Variants in CREB3 observed in about 807,000 individuals in gnomAD.
CREB3 encodes cAMP responsive element binding protein 3, also known as cyclic AMP-responsive element-binding protein 3.
A neutral mutation model predicts 34.5 loss-of-function variants in CREB3; 29 were observed. The ratio of observed to expected loss-of-function variants is 0.84; its 90% CI spans 0.63 to 1.15. The LOEUF (loss-of-function observed/expected upper bound fraction) is 1.15, where lower values mean the gene tolerates loss of function less well. Ranked by LOEUF, CREB3 falls within the 50% of genes most tolerant of loss-of-function variation. The probability of loss-of-function intolerance (pLI) is 0.00; values close to 1 mark genes in which losing one functional copy is unlikely to be tolerated. For synonymous variants in CREB3, 187 were observed against 173.9 expected, an observed-to-expected ratio of 1.08 and a Z score of -0.59; for missense variants, 447 against 443.4, an observed-to-expected ratio of 1.01 and a Z score of -0.07.
Position 35,735,097 on chromosome 9 carries a change from GTTTCC to G in CREB3, c.436-7_436-3del, listed in dbSNP as rs761630947. 1.3e-6 allele frequency: 2 copies of G among 1,594,400 alleles called. No homozygotes were observed. The highest frequency in any genetic ancestry group is 2.7e-5 in the African/African-American group (2 of 73,454). Reference sequence around the variant, plus strand: ...TTCCTCTAATGATATCCCTTTCCCTGTTTCCTTTCAGACAGAGGAACAAATTCTGA... The same window carrying G: ...TTCCTCTAATGATATCCCTTTCCCTGTTTCAGACAGAGGAACAAATTCTGA... On this transcript the variant is annotated splice_region_variant and splice_polypyrimidine_tract_variant and intron_variant, in intron 4 of 8. Coordinates refer to ENST00000353704, the MANE Select transcript of CREB3 (RefSeq NM_006368.5).
intron 4 of CREB3, among the ~76,000 whole-genome samples, chr9:35,734,098 C>T (rs886316836): frequency 3.3e-5 from 5 of 152,098 alleles, no homozygotes; most frequent in African/African-American, 7.2e-5. Flanking sequence ...CTCAGCCTCC[C>T]GAGTAGCTGA....
rs778480713 is a variant in CREB3 at position 35,733,009 on chromosome 9, G to A, written c.143G>A (p.Trp48Ter). Residue 48 changes from tryptophan (W) to a stop codon, truncating the protein, a stop_gained, in exon 2 of 9, where the codon TGG (tryptophan) becomes TAG (stop). Transcript: ENST00000353704. LOFTEE classifies it high-confidence loss of function. ...AACCCTGCGCAGGTACCGAGCGACT[G>A]GGAAGTAGATGATTTGCTGTGCTCC... The part of the protein sequence containing the change: ...ALPLSEVPSD[W>*]EVDDLLCSLL... The A allele has an allele frequency of 6.2e-7, 1 of 1,614,204 alleles. No homozygotes were observed. Among genetic ancestry groups the A allele is most frequent in the Non-Finnish European group, 8.5e-7 (1 of 1,180,032 alleles).
chr9:35,735,411 C>G (rs1465812381), intron 6 of CREB3, 37 bp downstream of exon 6: 5 of 1,553,246 alleles, frequency 3.2e-6, no homozygotes, highest in Admixed American at 3.3e-5. Context: ...TCCTATGCCC[C>G]TCATTTAATG....
chr9:35,733,384 T>C lies in CREB3; in HGVS notation c.346-12T>C, dbSNP rs375957822. The C allele has an allele frequency of 6.2e-7, 1 of 1,612,864 alleles. No homozygotes were observed. Among genetic ancestry groups the C allele is most frequent in the Non-Finnish European group, 8.5e-7 (1 of 1,178,960 alleles). ...CCCCATGCAACTGCCGTCCACTTTC[T>C]TGTTACCCTAGGAGATTGCTAGGCT... On this transcript the variant is annotated splice_polypyrimidine_tract_variant and intron_variant, in intron 3 of 8. Coordinates refer to ENST00000353704, the MANE Select transcript of CREB3 (RefSeq NM_006368.5).
intron 4 of CREB3, among the ~76,000 whole-genome samples, chr9:35,734,718 T>G (rs1826160894): frequency 6.6e-6 from 1 of 152,212 alleles, no homozygotes; most frequent in Admixed American, 6.5e-5. Flanking sequence ...CTCAGTCTCC[T>G]GAGTAGCAGG....
In CREB3 at chr9:35,733,149, T is replaced by A; in HGVS notation, c.277+6T>A. 1 of 1,614,112 alleles carries A rather than the reference T, an allele frequency of 6.2e-7. No individual in the cohort carries two copies. On this transcript the variant is annotated splice_donor_region_variant and intron_variant, in intron 2 of 8. Coordinates refer to ENST00000353704, the MANE Select transcript of CREB3 (RefSeq NM_006368.5). ...AACTGTCTCTATGGATCTAGGTGAG[T>A]CTGAAATAAGTTTGCGGGGAGGACA...
At position 35,736,797 on chromosome 9, in the gene CREB3, T is replaced by C; in HGVS notation, c.*71T>C. 1 of 1,415,850 alleles carries C rather than the reference T, an allele frequency of 7.1e-7. No individual in the cohort carries two copies. Among genetic ancestry groups the C allele is most frequent in the South Asian group, 1.3e-5 (1 of 78,842 alleles). 87.7% of individuals were successfully genotyped at this position (1,415,850 alleles called of 1,614,324 possible). On this transcript the variant is annotated 3_prime_UTR_variant, in exon 9 of 9. Transcript: ENST00000353704. ...CCATCTGTGTCCAAATAAAAAGCGGTGGGCAAGGGCTGGCCGCAGCTCCTG... is the reference window on the plus strand; with the variant it reads ...CCATCTGTGTCCAAATAAAAAGCGGCGGGCAAGGGCTGGCCGCAGCTCCTG...
At position 35,736,787 on chromosome 9, in the gene CREB3, TAAAA is replaced by T; in HGVS notation, c.*63_*66del. On this transcript the variant is annotated 3_prime_UTR_variant, in exon 9 of 9. Coordinates refer to ENST00000353704, the MANE Select transcript of CREB3 (RefSeq NM_006368.5). ...GGGGGGCTCCCCATCTGTGTCCAAA[TAAAA>T]AGCGGTGGGCAAGGGCTGGCCGCAG... 1 of 1,476,144 alleles carries T rather than the reference TAAAA, an allele frequency of 6.8e-7. No individual in the cohort carries two copies. The highest frequency in any genetic ancestry group is 9.2e-7 in the Non-Finnish European group (1 of 1,090,872). 91.4% of individuals were successfully genotyped at this position (1,476,144 alleles called of 1,614,324 possible).
Position 35,735,225 on chromosome 9 carries a change from G to A in CREB3, c.542+10G>A, listed in dbSNP as rs1384669651. 1.1e-5 allele frequency: 18 copies of A among 1,612,754 alleles called. No individual in the cohort carries two copies. Among genetic ancestry groups the A allele is most frequent in the Non-Finnish European group, 1.4e-5 (17 of 1,179,128 alleles). ...GGGGTTTAGAGAGCAGGTATGAAAGGGAGAGGGACTCTGTTGTAAGTATTA... is the reference window on the plus strand; with the variant it reads ...GGGGTTTAGAGAGCAGGTATGAAAGAGAGAGGGACTCTGTTGTAAGTATTA... On this transcript the variant is annotated intron_variant, in intron 5 of 8. Transcript: ENST00000353704.
rs1458818399 is a variant in CREB3 at position 35,732,894 on chromosome 9, T to A, written c.122T>A (p.Leu41His). The change falls in exon 1 of 9, where the codon CTT (leucine) becomes CAT (histidine). Residue 41 changes from leucine to histidine, a missense_variant. By Grantham distance (99) the Leu-to-His change is moderately conservative. Coordinates refer to ENST00000353704, the MANE Select transcript of CREB3 (RefSeq NM_006368.5). This position sits in a 1 kb window ranked among gnomAD's most constrained non-coding sequence, Gnocchi z 5.1. ...GCCCCACTGGACTGGGCGCTGCCGC[T>A]TTCTGAGGTAGGTTGGGGTTCTGAC... The part of the protein sequence containing the change: ...VRAPLDWALP[L>H]SEVPSDWEVD... The A allele has an allele frequency of 1.2e-6, 2 of 1,613,558 alleles. No individual in the cohort carries two copies. The highest frequency in any genetic ancestry group is 1.7e-6 in the Non-Finnish European group (2 of 1,179,818).
rs199684740 is a variant in CREB3, at chr9:35,736,282, C to T, written c.752C>T (p.Thr251Ile). ...LLVPAMYSSD[T>I]RGSLPAEHGV... ...GTACCTGCTATGTACTCCTCTGACA[C>T]AAGGGGGAGCCTGCCAGCTGAGCAT... The change falls in exon 8 of 9, where the codon ACA (threonine) becomes ATA (isoleucine). Residue 251 changes from threonine (T) to isoleucine (I), a missense_variant. Physicochemically the swap from Thr to Ile is moderately conservative, Grantham distance 89. Coordinates refer to ENST00000353704, the MANE Select transcript of CREB3 (RefSeq NM_006368.5). The T allele has an allele frequency of 6.2e-7, 1 of 1,614,150 alleles. No homozygotes were observed. The highest frequency in any genetic ancestry group is 2.2e-5 in the East Asian group (1 of 44,890).
At position 35,736,505 on chromosome 9, in the gene CREB3, G is replaced by C. The variant is rs775483580; in HGVS notation, c.895G>C (p.Asp299His). The change falls in exon 9 of 9, where the codon GAC becomes CAC. Residue 299 changes from aspartate to histidine, a missense_variant. Asp to His is a moderately conservative substitution (Grantham distance 81). Coordinates refer to ENST00000353704, the MANE Select transcript of CREB3 (RefSeq NM_006368.5). The stretch of plus-strand genomic sequence containing the variant: ...CACACACCAGTGGTTGGACGGCTCA[G>C]ACTGTGTACTCCAGGCCCCTGGCAA... ...DSTHQWLDGS[D>H]CVLQAPGNTS... The C allele has an allele frequency of 2.5e-6, 4 of 1,614,166 alleles. No individual in the cohort carries two copies. Among genetic ancestry groups the C allele is most frequent in the Non-Finnish European group, 3.4e-6 (4 of 1,180,032 alleles).
At chr9:35,733,817 G>A (rs2076768393) in intron 4 of CREB3, among the ~76,000 whole-genome samples, 1 of 152,122 alleles carries the variant, frequency 6.6e-6, no homozygotes, top group Non-Finnish European at 1.5e-5. Flanking sequence ...CTTGCTGAAT[G>A]GTAGAACTGT....
chr9:35,736,684 T>C lies in CREB3; in HGVS notation c.1074T>C (p.Thr358=), dbSNP rs1410761596. 9.3e-6 allele frequency: 15 copies of C among 1,611,826 alleles called. No homozygotes were observed. The Admixed American group carries it at 1.3e-4, about 14-fold the overall frequency. The part of the protein sequence containing the change: ...NLTRKGGWLP[T]GSPSVILQDR... ...CAAGGAAGGGAGGATGGCTTCCTACTGGTAGCCCCTCTGTCATTTTGCAGG... is the reference window on the plus strand; with the variant it reads ...CAAGGAAGGGAGGATGGCTTCCTACCGGTAGCCCCTCTGTCATTTTGCAGG... Residue 358 remains threonine, a synonymous_variant, in exon 9 of 9, where the codon ACT becomes ACC. Transcript: ENST00000353704.
chr9:35,734,907 T>A (rs1210469781), intron 4 of CREB3, among the ~76,000 whole-genome samples: 1 of 151,556 alleles, frequency 6.6e-6, no homozygotes, highest in East Asian at 1.9e-4. Flanking sequence ...CCCGACCAGT[T>A]TTTTTTTTAA....
At chr9:35,735,008 T>G in intron 4 of CREB3, 101 bp from the exon 5 acceptor site, 1 of 950,486 alleles carries the variant, frequency 1.1e-6, no homozygotes, top group Non-Finnish European at 1.6e-6. Flanking sequence ...AGGGAAGCTG[T>G]AGAAGGGATT....
Position 35,736,769 on chromosome 9 carries a change from TC to T in CREB3, c.*47del. ...GGGTCTCAGCAGGAGCCTGGGGGGC[TC>T]CCCATCTGTGTCCAAATAAAAAGCG... On this transcript the variant is annotated 3_prime_UTR_variant, in exon 9 of 9. Coordinates refer to ENST00000353704, the MANE Select transcript of CREB3 (RefSeq NM_006368.5). 6.5e-7 allele frequency: 1 copy of T among 1,530,920 alleles called. No homozygotes were observed. The highest frequency in any genetic ancestry group is 8.8e-7 in the Non-Finnish European group (1 of 1,132,774). 94.8% of individuals were successfully genotyped at this position (1,530,920 alleles called of 1,614,324 possible).
chr9:35,735,301 C>T lies in CREB3; in HGVS notation c.543-5C>T, dbSNP rs775489263. Reference sequence around the variant, plus strand: ...ATATCCCCGTATCTTTGTTATTTCCCCCAGGGTCTTGAAATACACAGCCCA... The same window carrying T: ...ATATCCCCGTATCTTTGTTATTTCCTCCAGGGTCTTGAAATACACAGCCCA... On this transcript the variant is annotated splice_region_variant and splice_polypyrimidine_tract_variant and intron_variant, in intron 5 of 8. Transcript: ENST00000353704. 2.4e-5 allele frequency: 38 copies of T among 1,613,708 alleles called. No homozygotes were observed. The highest frequency in any genetic ancestry group is 1.6e-4 in the Middle Eastern group (1 of 6,084).
intron 7 of CREB3, 27 bp from the exon 8 acceptor site, chr9:35,736,200 C>G: frequency 6.2e-7 from 1 of 1,613,058 alleles, no homozygotes; most frequent in Non-Finnish European, 8.5e-7. Flanking sequence ...CAGAGCCCTT[C>G]TTCATCTCCT....
Sources: allele counts gnomAD v4.1 joint callset (sites outside exome capture counted in the v4.1 genomes callset), GRCh38; gene constraint gnomAD v4.1.1; non-coding constraint Gnocchi (gnomAD v3.1); transcripts MANE v1.5; gene names NCBI Gene and HGNC (gene_info 2026-07-23, HGNC 2026-07-21).